Variants in DNAI1 observed in about 807,000 individuals in gnomAD.
DNAI1 encodes dynein axonemal intermediate chain 1.
Under a neutral mutation model 92.0 loss-of-function variants are expected in DNAI1, and 67 were observed. The observed-to-expected ratio is 0.73, with a 90% CI of 0.60 to 0.89. The LOEUF is 0.89. Among genes scored for constraint, DNAI1 ranks in the 40% least tolerant of loss-of-function variants. The probability of loss-of-function intolerance (pLI) is 0.00; values close to 1 mark genes in which losing one functional copy is unlikely to be tolerated. For synonymous variants in DNAI1, 323 were observed against 319.6 expected (o/e 1.01, Z -0.11); for missense variants, 839 against 866.6 (o/e 0.97, Z 0.40).
intron 1 of DNAI1, among the ~76,000 whole-genome samples, chr9:34,479,804 T>C (rs1049892760): frequency 5.3e-5 from 8 of 152,196 alleles, no homozygotes; most frequent in African/African-American, 1.9e-4. Flanking sequence ...GACAGCTATT[T>C]GAATCCTGCT....
chr9:34,467,987 A>G (rs978868465), intron 1 of DNAI1, among the ~76,000 whole-genome samples: 17 of 152,226 alleles, frequency 1.1e-4, no homozygotes, highest in African/African-American at 4.1e-4. Flanking sequence ...ATGTCTTTAA[A>G]GCAGCTGTTA....
intron 1 of DNAI1, among the ~76,000 whole-genome samples, chr9:34,469,579 G>C (rs1205004798): frequency 4.6e-5 from 7 of 151,118 alleles, no homozygotes; most frequent in Admixed American, 3.3e-4. Context: ...TCTTTTTGTT[G>C]TTGTTTTTGG....
At chr9:34,477,922 CTCTTTTT>C (rs1434312920) in intron 1 of DNAI1, among the ~76,000 whole-genome samples, 16 of 86,938 alleles carry the variant, frequency 1.8e-4, no homozygotes, top group East Asian at 6.8e-4. Flanking sequence ...CTCTCTCTCT[CTCTTTTT>C]TTTTTTTTTT....
chr9:34,510,738 A>G (rs1825048848), intron 13 of DNAI1, among the ~76,000 whole-genome samples: 1 of 151,980 alleles, frequency 6.6e-6, no homozygotes, highest in African/African-American at 2.4e-5. Context: ...TTCCCTTTGC[A>G]GCTCCCTAGC....
Position 34,485,215 on chromosome 9 carries a change from C to G in DNAI1, c.155C>G (p.Pro52Arg). ...CAATCCAAAGCCACAGTTAGACCCC[C>G]TGACCAGCTGGAGTTGACCGATGCG... Reference protein sequence around the residue: ...WAQSKATVRPPDQLELTDAEL... With the variant: ...WAQSKATVRPRDQLELTDAEL... Residue 52 changes from proline to arginine, a missense_variant, in exon 3 of 20, where the codon CCT becomes CGT. Physicochemically the swap from Pro to Arg is moderately radical, Grantham distance 103. Transcript: ENST00000242317. 6.2e-7 allele frequency: 1 copy of G among 1,614,204 alleles called. No individual in the cohort carries two copies. Among genetic ancestry groups the G allele is most frequent in the Non-Finnish European group, 8.5e-7 (1 of 1,180,046 alleles).
chr9:34,481,554 G>A (rs566329427), intron 1 of DNAI1, among the ~76,000 whole-genome samples: 44 of 152,338 alleles, frequency 2.9e-4, no homozygotes, highest in African/African-American at 1.0e-3. Context: ...GAATGAAGCC[G>A]CGGACCCTCG....
At chr9:34,490,306 A>G in intron 6 of DNAI1, 63 bp from the exon 7 acceptor site, 1 of 1,613,870 alleles carries the variant, frequency 6.2e-7, no homozygotes, top group Non-Finnish European at 8.5e-7. Context: ...GGCTTGCCCC[A>G]TCTCCCGGTT....
At chr9:34,461,934 G>A (rs1004647171) in intron 1 of DNAI1, among the ~76,000 whole-genome samples, 3 of 152,136 alleles carry the variant, frequency 2.0e-5, no homozygotes, top group Admixed American at 6.5e-5. Context: ...GGGATGAAGG[G>A]GAGAGAAGCC....
At chr9:34,480,818 C>T (rs1372411423) in intron 1 of DNAI1, among the ~76,000 whole-genome samples, 2 of 152,114 alleles carry the variant, frequency 1.3e-5, no homozygotes, top group African/African-American at 2.4e-5. Context: ...CAGTGGCTCA[C>T]GCCTGTAATC....
chr9:34,501,325 A>C, intron 12 of DNAI1, 144 bp downstream of exon 12: 2 of 749,118 alleles, frequency 2.7e-6, no homozygotes, highest in Non-Finnish European at 4.9e-6. Context: ...AAGACCCACA[A>C]TCCTACTGGC....
rs371288511 is a variant in DNAI1 at position 34,504,050 on chromosome 9, G to C, written c.1064-2577G>C. On this transcript the variant is annotated intron_variant, in intron 12 of 19. Transcript: ENST00000242317. ...CAGGCATGGATGGTGGAACAGATCA[G>C]GATGCTCTGTGTGGTCCTGAGGCTA... Among the ~76,000 whole-genome samples, 5 of 152,334 alleles carry C rather than the reference G, an allele frequency of 3.3e-5. No homozygotes were observed. In the South Asian group the frequency reaches 1.0e-3, roughly 32 times the overall value.
intron 15 of DNAI1, 139 bp downstream of exon 15, chr9:34,512,563 C>A: frequency 1.2e-6 from 1 of 829,260 alleles, no homozygotes; most frequent in East Asian, 2.7e-5. Context: ...TGTAGGAAGG[C>A]CCGGCCCTGT....
At chr9:34,486,005 A>T (rs1254858809) in intron 4 of DNAI1, among the ~76,000 whole-genome samples, 4 of 151,238 alleles carry the variant, frequency 2.6e-5, no homozygotes, top group Non-Finnish European at 4.4e-5. Flanking sequence ...CAGGCCGGTG[A>T]CCTCCTCAGG....
At chr9:34,470,517 A>G (rs1824117121) in intron 1 of DNAI1, among the ~76,000 whole-genome samples, 1 of 152,232 alleles carries the variant, frequency 6.6e-6, no homozygotes, top group Non-Finnish European at 1.5e-5. Context: ...ATAAATGGGG[A>G]CATTTTAAAA....
chr9:34,470,464 T>C (rs1824116398), intron 1 of DNAI1, among the ~76,000 whole-genome samples: 1 of 152,214 alleles, frequency 6.6e-6, no homozygotes, highest in Non-Finnish European at 1.5e-5. Flanking sequence ...ATGAGTATCA[T>C]TATCAGACAA....
chr9:34,480,220 C>T (rs1326633311), intron 1 of DNAI1, among the ~76,000 whole-genome samples: 1 of 151,144 alleles, frequency 6.6e-6, no homozygotes, highest in Non-Finnish European at 1.5e-5. Context: ...TCTGAAACAC[C>T]TATTTGTTCT....
At position 34,472,547 on chromosome 9, in the gene DNAI1, T is replaced by A. The variant is rs76620099; in HGVS notation, c.49-10901T>A. On this transcript the variant is annotated intron_variant, in intron 1 of 19. Coordinates refer to ENST00000242317, the MANE Select transcript of DNAI1 (RefSeq NM_012144.4). Reference sequence around the variant, plus strand: ...TGCATTCATAGGAAAGAAAAATTTATCATGTTGATTTTTACATTCTTAATT... The same window carrying A: ...TGCATTCATAGGAAAGAAAAATTTAACATGTTGATTTTTACATTCTTAATT... Among the ~76,000 whole-genome samples, 798 of 152,332 alleles carry A rather than the reference T, an allele frequency of 5.2e-3. 22 individuals carry two copies. The East Asian group carries it at 0.068, about 13-fold the overall frequency.
intron 19 of DNAI1, among the ~76,000 whole-genome samples, chr9:34,519,264 G>A (rs1158808527): frequency 6.6e-6 from 1 of 152,122 alleles, no homozygotes; most frequent in African/African-American, 2.4e-5. Context: ...GGACCTCCCT[G>A]CCCAGGGAGC....
chr9:34,483,790 T>A (rs962233015), intron 2 of DNAI1, among the ~76,000 whole-genome samples: 1 of 152,244 alleles, frequency 6.6e-6, no homozygotes, highest in Admixed American at 6.5e-5. Flanking sequence ...ATAAAATATT[T>A]AGAGTGCCTT....
Sources: allele counts gnomAD v4.1 joint callset (sites outside exome capture counted in the v4.1 genomes callset), GRCh38; gene constraint gnomAD v4.1.1; transcripts MANE v1.5; gene names NCBI Gene and HGNC (gene_info 2026-07-23, HGNC 2026-07-21).